LUZP2: variants seen among roughly 807,000 people sequenced by gnomAD.
LUZP2 encodes the protein leucine zipper protein 2.
In LUZP2, 52 loss-of-function variants were observed where a neutral mutation model predicts 51.6. That is an observed-to-expected ratio of 1.01 (90% CI 0.81 to 1.27). The LOEUF is 1.27. LUZP2 is among the 50% of genes most tolerant of loss of function. LUZP2 has a pLI of 0.00. For missense variants in LUZP2, 436 were observed against 395.4 expected (o/e 1.10, Z -0.87); for synonymous variants, 154 against 137.3 (o/e 1.12, Z -0.85).
chr11:24,740,245 C>G (rs1590428502), intron 4 of LUZP2, among the ~76,000 whole-genome samples: 1 of 152,250 alleles, frequency 6.6e-6, no homozygotes, highest in Middle Eastern at 3.4e-3. Context: ...GGCATGAACT[C>G]ATAATTATTC....
chr11:24,609,729 CAAAAAAAAAAAAAAAAA>C (rs34436907), intron 1 of LUZP2, among the ~76,000 whole-genome samples: 2 of 65,896 alleles, frequency 3.0e-5, no homozygotes, highest in African/African-American at 1.5e-4. Context: ...GACTCCAGCT[CAAAAAAAAAAAAAAAAA>C]AAAAAAAAAA....
chr11:24,864,077 T>C (rs960924910), intron 5 of LUZP2, among the ~76,000 whole-genome samples: 2 of 152,180 alleles, frequency 1.3e-5, no homozygotes, highest in African/African-American at 4.8e-5. Flanking sequence ...GATTTCACTT[T>C]AATTTCTCTA....
Position 24,582,299 on chromosome 11 carries a change from A to ATT in LUZP2, c.62+85019_62+85020dup, listed in dbSNP as rs67262111. Reference sequence around the variant, plus strand: ...TGTGGCTCTCTGTAATCCCTAGCTGATTTTTTTTTTTTTTTTTTTTTTTTT... The same window carrying ATT: ...TGTGGCTCTCTGTAATCCCTAGCTGATTTTTTTTTTTTTTTTTTTTTTTTTTT... On this transcript the variant is annotated intron_variant, in intron 1 of 11. Transcript: ENST00000336930. Among the ~76,000 whole-genome samples, 55 of 54,546 alleles carry ATT rather than the reference A, an allele frequency of 1.0e-3. 5 individuals carry two copies. Among genetic ancestry groups the ATT allele is most frequent in the African/African-American group, 3.2e-3 (45 of 14,246 alleles). The allele number at this position is 54,546 out of a possible 152,430, so 35.8% of individuals were successfully genotyped here.
chr11:24,613,684 C>A (rs1789421102), intron 1 of LUZP2, among the ~76,000 whole-genome samples: 1 of 151,352 alleles, frequency 6.6e-6, no homozygotes, highest in African/African-American at 2.4e-5. Context: ...TGATGATGAA[C>A]AATAAGTACT....
At chr11:25,030,343 A>G (rs1208214890) in intron 9 of LUZP2, among the ~76,000 whole-genome samples, 1 of 152,122 alleles carries the variant, frequency 6.6e-6, no homozygotes, top group African/African-American at 2.4e-5. Flanking sequence ...CTATTCTCCT[A>G]TTGATAGAAA....
intron 1 of LUZP2, among the ~76,000 whole-genome samples, chr11:24,639,380 G>T (rs890688291): frequency 2.0e-5 from 3 of 151,452 alleles, no homozygotes; most frequent in African/African-American, 4.9e-5. Flanking sequence ...TCAGCTCATA[G>T]ATATGTAATT....
intron 1 of LUZP2, among the ~76,000 whole-genome samples, chr11:24,666,062 A>G (rs1418579742): frequency 6.6e-6 from 1 of 152,178 alleles, no homozygotes; most frequent in Non-Finnish European, 1.5e-5. Context: ...TCAAAAAATT[A>G]TTTACCAGAA....
At chr11:24,724,137 G>A (rs1858382057) in intron 1 of LUZP2, among the ~76,000 whole-genome samples, 1 of 152,128 alleles carries the variant, frequency 6.6e-6, no homozygotes, top group Non-Finnish European at 1.5e-5. Context: ...CTTCAAGTGT[G>A]TCCTTGGGAT....
At chr11:25,073,856 G>A (rs570536936) in intron 10 of LUZP2, among the ~76,000 whole-genome samples, 18 of 152,196 alleles carry the variant, frequency 1.2e-4, no homozygotes, top group Middle Eastern at 3.4e-3. Context: ...AAAAAGGAAC[G>A]ATCACTATTT....
intron 7 of LUZP2, among the ~76,000 whole-genome samples, chr11:24,916,957 T>G (rs535823919): frequency 6.6e-4 from 101 of 152,214 alleles, no homozygotes; most frequent in Non-Finnish European, 1.2e-3. Flanking sequence ...TCAACAGTGT[T>G]AAAGTGTTCC....
intron 5 of LUZP2, among the ~76,000 whole-genome samples, chr11:24,883,404 CA>C (rs1385026725): frequency 2.0e-5 from 3 of 151,912 alleles, no homozygotes; most frequent in Non-Finnish European, 2.9e-5. Context: ...GCACTTGGAA[CA>C]AAAAAGCAAA....
chr11:24,896,728 A>G (rs539028109), intron 5 of LUZP2, among the ~76,000 whole-genome samples: 1 of 152,332 alleles, frequency 6.6e-6, no homozygotes, highest in African/African-American at 2.4e-5. Context: ...TGGCCCCGGC[A>G]CGGGATCCAC....
intron 9 of LUZP2, among the ~76,000 whole-genome samples, chr11:25,038,997 A>G (rs1190407527): frequency 6.6e-6 from 1 of 152,188 alleles, no homozygotes; most frequent in African/African-American, 2.4e-5. Context: ...TTAGCCGCAC[A>G]GCATCTTTGC....
At chr11:25,034,775 T>G (rs982961226) in intron 9 of LUZP2, among the ~76,000 whole-genome samples, 2 of 152,076 alleles carry the variant, frequency 1.3e-5, no homozygotes, top group African/African-American at 4.8e-5. Flanking sequence ...ATTTAATTGG[T>G]CTACATGTCT....
chr11:25,004,478 A>T (rs956747269), intron 9 of LUZP2, among the ~76,000 whole-genome samples: 1 of 152,070 alleles, frequency 6.6e-6, no homozygotes, highest in African/African-American at 2.4e-5. Context: ...GCCAGGTTTA[A>T]TAATGCCTCC....
intron 7 of LUZP2, among the ~76,000 whole-genome samples, chr11:24,968,315 A>C (rs1157828536): frequency 2.6e-5 from 4 of 152,204 alleles, no homozygotes; most frequent in Non-Finnish European, 4.4e-5. Flanking sequence ...ATTGTATCAC[A>C]AAAGCAAGTA....
chr11:25,056,016 C>A (rs1052122792), intron 10 of LUZP2, among the ~76,000 whole-genome samples: 3 of 152,044 alleles, frequency 2.0e-5, no homozygotes, highest in African/African-American at 7.2e-5. Flanking sequence ...TCACAAAAAA[C>A]CTCAATAAGT....
chr11:24,888,414 T>G (rs923300790), intron 5 of LUZP2, among the ~76,000 whole-genome samples: 2 of 152,044 alleles, frequency 1.3e-5, no homozygotes, highest in Non-Finnish European at 2.9e-5. Flanking sequence ...AGCCAAAAGT[T>G]TTTTTTTGGA....
intron 1 of LUZP2, among the ~76,000 whole-genome samples, chr11:24,650,774 G>A (rs1191378946): frequency 6.6e-6 from 1 of 152,016 alleles, no homozygotes; most frequent in Non-Finnish European, 1.5e-5. Context: ...CTGTTCTTGA[G>A]GAGGCTGCTA....
Sources: allele counts gnomAD v4.1 joint callset (sites outside exome capture counted in the v4.1 genomes callset), GRCh38; gene constraint gnomAD v4.1.1; transcripts MANE v1.5; gene names NCBI Gene and HGNC (gene_info 2026-07-23, HGNC 2026-07-21).